The following YTHDF3 variants were observed in gnomAD, a reference collection of about 807,000 sequenced individuals.
YTHDF3 encodes the protein YTH N6-methyladenosine RNA binding protein F3.
A neutral mutation model predicts 52.5 loss-of-function variants in YTHDF3; 9 were observed. The observed-to-expected ratio is 0.17, with a 90% CI of 0.10 to 0.30. YTHDF3 has a LOEUF of 0.30. Ranked by LOEUF, YTHDF3 falls within the 10% of genes least tolerant of loss-of-function variation. The pLI is 1.00. For missense variants in YTHDF3, 534 were observed against 715.0 expected (o/e 0.75, Z 2.89); for synonymous variants, 274 against 243.3 (o/e 1.13, Z -1.18).
chr8:63,180,257 A>G (rs1438440803), intron 3 of YTHDF3, among the ~76,000 whole-genome samples: 1 of 132,500 alleles, frequency 7.5e-6, no homozygotes, highest in Non-Finnish European at 1.6e-5. Flanking sequence ...CACTTCTCAG[A>G]CGGGGCGGCC....
intron 4 of YTHDF3, among the ~76,000 whole-genome samples, chr8:63,198,836 T>A (rs1171885004): frequency 6.6e-6 from 1 of 152,194 alleles, no homozygotes; most frequent in East Asian, 1.9e-4. Context: ...AAGTTTATTA[T>A]AATTAACAGA....
At position 63,169,428 on chromosome 8, in the gene YTHDF3, T is replaced by A; in HGVS notation, c.49+17T>A. ...GAAATAAAGGTGAGTTTGGATTTTT[T>A]TTTTTCTTATTGCTCAATGTTGCCT... On this transcript the variant is annotated intron_variant, in intron 2 of 4. Coordinates refer to ENST00000539294, the MANE Select transcript of YTHDF3 (RefSeq NM_152758.6). 6.3e-7 allele frequency: 1 copy of A among 1,582,758 alleles called. No individual in the cohort carries two copies. The highest frequency in any genetic ancestry group is 8.6e-7 in the Non-Finnish European group (1 of 1,162,530).
At chr8:63,173,616 A>G in intron 2 of YTHDF3, 1 of 983,906 alleles carries the variant, frequency 1.0e-6, no homozygotes, top group Non-Finnish European at 1.2e-6. Flanking sequence ...TTTTTTCAAG[A>G]AGTAATAGAC....
At chr8:63,195,561 A>G (rs1411497332) in intron 4 of YTHDF3, among the ~76,000 whole-genome samples, 1 of 152,216 alleles carries the variant, frequency 6.6e-6, no homozygotes, top group Non-Finnish European at 1.5e-5. Context: ...TGATGGAAAG[A>G]GAGGTGCTCC....
In YTHDF3 at chr8:63,209,682, G is replaced by T. The variant is rs1810265044; in HGVS notation, c.1735-1G>T. The T allele has an allele frequency of 1.9e-6, 3 of 1,559,818 alleles. No individual in the cohort carries two copies. Among genetic ancestry groups the T allele is most frequent in the African/African-American group, 1.4e-5 (1 of 72,026 alleles). On this transcript the variant is annotated splice_acceptor_variant, in intron 4 of 4. Transcript: ENST00000539294. LOFTEE classifies it high-confidence loss of function. The stretch of plus-strand genomic sequence containing the variant: ...GTGTGTGTGTGTTTTTTTTTTTTCA[G>T]GAGAGAAATAGAAACAAACAATAAC...
chr8:63,170,254 C>G (rs1055463271), intron 2 of YTHDF3, among the ~76,000 whole-genome samples: 2 of 152,116 alleles, frequency 1.3e-5, no homozygotes, highest in Non-Finnish European at 2.9e-5. Context: ...ATTATGCTTT[C>G]TGTTGATTTC....
intron 4 of YTHDF3, among the ~76,000 whole-genome samples, chr8:63,207,108 A>G (rs1810084313): frequency 6.6e-6 from 1 of 152,190 alleles, no homozygotes; most frequent in Admixed American, 6.5e-5. Context: ...GTACTTGACA[A>G]CTTACTAATA....
chr8:63,176,179 G>GT (rs1428869868), intron 3 of YTHDF3, among the ~76,000 whole-genome samples: 2 of 152,086 alleles, frequency 1.3e-5, no homozygotes, highest in Non-Finnish European at 2.9e-5. Context: ...GTATTCACCA[G>GT]TTTTTTTAGA....
intron 3 of YTHDF3, among the ~76,000 whole-genome samples, chr8:63,180,218 C>CGGGG (rs1165651730): frequency 9.5e-5 from 14 of 148,136 alleles, no homozygotes; most frequent in Admixed American, 4.7e-4. Context: ...ACTTCTCAGA[C>CGGGG]GGGGCGGTTG....
At chr8:63,202,726 G>A (rs567581125) in intron 4 of YTHDF3, among the ~76,000 whole-genome samples, 1 of 152,058 alleles carries the variant, frequency 6.6e-6, no homozygotes, top group East Asian at 1.9e-4. Flanking sequence ...GCCTCCCAAA[G>A]TGCTGGGATT....
At chr8:63,190,611 A>G (rs550178748) in intron 4 of YTHDF3, among the ~76,000 whole-genome samples, 23 of 152,216 alleles carry the variant, frequency 1.5e-4, no homozygotes, top group African/African-American at 5.5e-4. Context: ...ACCGCAGCCT[A>G]CTCTTGTGCC....
At chr8:63,203,842 A>T (rs1809806599) in intron 4 of YTHDF3, among the ~76,000 whole-genome samples, 2 of 152,196 alleles carry the variant, frequency 1.3e-5, no homozygotes, top group South Asian at 4.1e-4. Context: ...ATACTTTCTC[A>T]TGATTAGACT....
intron 3 of YTHDF3, 23 bp downstream of exon 3, chr8:63,175,439 A>G (rs1563393219): frequency 6.4e-7 from 1 of 1,562,988 alleles, no homozygotes. Flanking sequence ...ACAGTTTCAG[A>G]TTTTAGGAAA....
rs1808568442 is a variant in YTHDF3, at chr8:63,187,111, A to G, written c.1100A>G (p.Asn367Ser). The G allele has an allele frequency of 3.1e-6, 5 of 1,613,786 alleles. No homozygotes were observed. The highest frequency in any genetic ancestry group is 4.2e-6 in the Non-Finnish European group (5 of 1,179,858). ...AACAGGGGAGCAGGCTTCAACCAGA[A>G]CAATGGAGCGGGCAGTGAAAACTTT... ...PRNRGAGFNQ[N>S]NGAGSENFGL... is the part of the protein sequence containing the mutation. The change falls in exon 4 of 5, where the codon AAC becomes AGC. Residue 367 changes from asparagine to serine, a missense_variant. Transcript: ENST00000539294.
intron 3 of YTHDF3, among the ~76,000 whole-genome samples, chr8:63,183,881 C>G (rs984655004): frequency 1.3e-5 from 2 of 152,156 alleles, no homozygotes; most frequent in African/African-American, 4.8e-5. Context: ...TGTGTATGCT[C>G]AAGAACCTTA....
chr8:63,175,550 G>T, intron 3 of YTHDF3, 134 bp downstream of exon 3: 1 of 674,218 alleles, frequency 1.5e-6, no homozygotes, highest in Non-Finnish European at 2.5e-6. Context: ...TAGTAAGTGA[G>T]TAGTGAGTAG....
At chr8:63,179,979 C>A (rs1402804253) in intron 3 of YTHDF3, among the ~76,000 whole-genome samples, 3 of 148,646 alleles carry the variant, frequency 2.0e-5, no homozygotes, top group Admixed American at 6.7e-5. Context: ...GGGGGCTGAT[C>A]CCCCCACCTC....
Position 63,187,672 on chromosome 8 carries a change from A to T in YTHDF3, c.1661A>T (p.Lys554Met). 6.2e-7 allele frequency: 1 copy of T among 1,611,634 alleles called. No individual in the cohort carries two copies. Among genetic ancestry groups the T allele is most frequent in the Non-Finnish European group, 8.5e-7 (1 of 1,178,636 alleles). ...KQVLKIIATFKHTTSIFDDFA... is the reference protein window; with the variant it reads ...KQVLKIIATFMHTTSIFDDFA... ...GTGCTTAAAATAATTGCTACTTTCA[A>T]GCATACCACCTCAATCTTTGATGAC... Residue 554 changes from lysine to methionine, a missense_variant, in exon 4 of 5, where the codon AAG (lysine) becomes ATG (methionine). Physicochemically the swap from Lys to Met is moderately conservative, Grantham distance 95. Coordinates refer to ENST00000539294, the MANE Select transcript of YTHDF3 (RefSeq NM_152758.6).
chr8:63,169,766 AT>A (rs1807164656), intron 2 of YTHDF3, among the ~76,000 whole-genome samples: 1 of 152,228 alleles, frequency 6.6e-6, no homozygotes, highest in Non-Finnish European at 1.5e-5. Flanking sequence ...TAAAGTGGAC[AT>A]TTTGTTTGAC....
Sources: allele counts gnomAD v4.1 joint callset (sites outside exome capture counted in the v4.1 genomes callset), GRCh38; gene constraint gnomAD v4.1.1; transcripts MANE v1.5; gene names NCBI Gene and HGNC (gene_info 2026-07-23, HGNC 2026-07-21).